Variants in RNF130 observed in about 807,000 individuals in gnomAD.
RNF130 encodes ring finger protein 130.
A neutral mutation model predicts 44.6 loss-of-function variants in RNF130; 21 were observed. The observed-to-expected ratio is 0.47, with a 90% confidence interval of 0.33 to 0.68. The LOEUF is 0.68. Among genes scored for constraint, RNF130 ranks in the 30% least tolerant of loss-of-function variants. The pLI is 0.02. For synonymous variants in RNF130, 214 were observed against 210.4 expected (o/e 1.02, Z -0.15); for missense variants, 479 against 560.6 (o/e 0.85, Z 1.47).
chr5:179,996,096 C>T (rs1763191332), intron 3 of RNF130, among the ~76,000 whole-genome samples: 1 of 152,202 alleles, frequency 6.6e-6, no homozygotes, highest in African/African-American at 2.4e-5. Flanking sequence ...TATCCATGAA[C>T]ATGGGATGTC....
At chr5:179,986,414 T>A (rs1054526327) in intron 3 of RNF130, among the ~76,000 whole-genome samples, 1 of 152,236 alleles carries the variant, frequency 6.6e-6, no homozygotes, top group African/African-American at 2.4e-5. Context: ...TGGCACTTCA[T>A]ACAGGTCCCA....
intron 3 of RNF130, among the ~76,000 whole-genome samples, chr5:179,994,194 G>T (rs1379825253): frequency 2.6e-5 from 4 of 152,104 alleles, no homozygotes; most frequent in Admixed American, 1.3e-4. Flanking sequence ...GCTTATGCGG[G>T]CTCTTTTTTG....
At chr5:179,993,179 A>G (rs1763128916) in intron 3 of RNF130, among the ~76,000 whole-genome samples, 1 of 152,238 alleles carries the variant, frequency 6.6e-6, no homozygotes, top group South Asian at 2.1e-4. Flanking sequence ...GTGACGCAAT[A>G]AACATACGTG....
chr5:180,014,065 T>C (rs755803876), intron 2 of RNF130, among the ~76,000 whole-genome samples: 3 of 152,228 alleles, frequency 2.0e-5, no homozygotes, highest in Non-Finnish European at 4.4e-5. Flanking sequence ...TTCAACATTC[T>C]GGACCAGTTT....
At chr5:179,949,944 C>A (rs1762100405) in intron 7 of RNF130, among the ~76,000 whole-genome samples, 1 of 152,176 alleles carries the variant, frequency 6.6e-6, no homozygotes, top group Non-Finnish European at 1.5e-5. Context: ...TCTGTCTCTG[C>A]CTATATGATA....
intron 3 of RNF130, among the ~76,000 whole-genome samples, chr5:180,003,071 C>T (rs1424465887): frequency 6.6e-6 from 1 of 152,048 alleles, no homozygotes; most frequent in African/African-American, 2.4e-5. Context: ...CTTGCCTCCA[C>T]AGGATGTCCA....
At chr5:180,016,561 CT>C (rs1237619009) in intron 2 of RNF130, among the ~76,000 whole-genome samples, 1 of 152,214 alleles carries the variant, frequency 6.6e-6, no homozygotes, top group African/African-American at 2.4e-5. Flanking sequence ...CCAGTACTAA[CT>C]GTCAGAGATG....
chr5:179,972,215 C>T (rs746509983), intron 5 of RNF130, among the ~76,000 whole-genome samples: 2 of 152,128 alleles, frequency 1.3e-5, no homozygotes, highest in Non-Finnish European at 2.9e-5. Flanking sequence ...TGGCTACTGA[C>T]CAACAAAGAC....
chr5:180,063,915 G>A (rs923388551), intron 1 of RNF130, among the ~76,000 whole-genome samples: 1 of 152,130 alleles, frequency 6.6e-6, no homozygotes, highest in Non-Finnish European at 1.5e-5. Context: ...CATCAAAAAA[G>A]AAGAGAAGTG....
chr5:179,968,891 G>C (rs886828728), intron 6 of RNF130, among the ~76,000 whole-genome samples: 7 of 152,092 alleles, frequency 4.6e-5, no homozygotes, highest in African/African-American at 1.7e-4. Context: ...CACAAGAAGG[G>C]ATTGTCCAGT....
At chr5:180,057,577 T>C (rs923245893) in intron 1 of RNF130, among the ~76,000 whole-genome samples, 2 of 151,596 alleles carry the variant, frequency 1.3e-5, no homozygotes, top group Admixed American at 6.6e-5. Context: ...TAATGTGTAA[T>C]GGAGCCTCCC....
intron 1 of RNF130, among the ~76,000 whole-genome samples, chr5:180,042,861 T>C (rs1237893173): frequency 4.6e-5 from 7 of 152,188 alleles, no homozygotes; most frequent in African/African-American, 7.2e-5. Flanking sequence ...GCAAACAACA[T>C]AGTTATGGAA....
At position 180,070,981 on chromosome 5, in the gene RNF130, ACC is replaced by A. The variant is rs11359101; in HGVS notation, c.247+473_247+474del. On this transcript the variant is annotated intron_variant, in intron 1 of 8. Coordinates refer to ENST00000521389, the MANE Select transcript of RNF130 (RefSeq NM_018434.6). Reference sequence around the variant, plus strand: ...GGGAAGATGTCCATTTTCCATTTACACCCCCCCCCCAATTTACCACTTAAGAA... The same window carrying A: ...GGGAAGATGTCCATTTTCCATTTACACCCCCCCCAATTTACCACTTAAGAA... 7.1e-4 allele frequency among the ~76,000 whole-genome samples: 100 copies of A among 141,306 alleles called. 1 individual carries two copies. Among genetic ancestry groups the A allele is most frequent in the South Asian group, 2.0e-3 (9 of 4,470 alleles). The allele number at this position is 141,306 out of a possible 152,430, so 92.7% of individuals were successfully genotyped here. A position where few individuals can be genotyped will look rare whatever the true frequency, so the allele number is the denominator to read the frequency against.
At position 180,071,574 on chromosome 5, in the gene RNF130, C is replaced by A; in HGVS notation, c.129G>T (p.Val43=). Residue 43 remains valine, a synonymous_variant, in exon 1 of 9, where the codon GTG becomes GTT. Transcript: ENST00000521389. ...GCGGGGCGCCGCGGCCGGGCTCCTG[C>A]ACCGTCACGTTGATGAGCGCCGTGT... ...EYYTALINVT[V]QEPGRGAPLT... is the part of the protein sequence containing the mutation. 6.7e-7 allele frequency: 1 copy of A among 1,485,004 alleles called. No homozygotes were observed. The highest frequency in any genetic ancestry group is 9.0e-7 in the Non-Finnish European group (1 of 1,113,422). The allele number at this position is 1,485,004 out of a possible 1,614,324, so 92.0% of individuals were successfully genotyped here.
rs76734684 is a variant in RNF130, at chr5:180,041,212, G to C, written c.248-565C>G. Among the ~76,000 whole-genome samples the C allele has an allele frequency of 2.0e-4, 31 of 152,238 alleles. No individual in the cohort carries two copies. The East Asian group carries it at 5.2e-3, about 26-fold the overall frequency. Reference sequence around the variant, plus strand: ...ATGTCTAAGGAAAATTTAAAAGTTTGGTTTTGGCTTATATTTGAAAGTTGA... The same window carrying C: ...ATGTCTAAGGAAAATTTAAAAGTTTCGTTTTGGCTTATATTTGAAAGTTGA... On this transcript the variant is annotated intron_variant, in intron 1 of 8. Coordinates refer to ENST00000521389, the MANE Select transcript of RNF130 (RefSeq NM_018434.6).
chr5:180,030,040 G>GA (rs34448835), intron 2 of RNF130, among the ~76,000 whole-genome samples: 106,412 of 151,632 alleles, frequency 0.7, 37,636 homozygotes, highest in South Asian at 0.79. Context: ...TAGAGATGAG[G>GA]TTTCATCATG....
Position 180,040,597 on chromosome 5 carries a change from TAGG to T in RNF130, c.295_297del (p.Pro99del). Reference sequence around the variant, plus strand: ...AGCAAGGCAATCCACTGTTTGATATTAGGAGGGACAAAGAACCGGGTTTGTGGA... The same window carrying T: ...AGCAAGGCAATCCACTGTTTGATATTAGGGACAAAGAACCGGGTTTGTGGA... On this transcript the variant is annotated inframe_deletion, in exon 2 of 9. Transcript: ENST00000521389. The T allele has an allele frequency of 6.2e-7, 1 of 1,614,162 alleles. No individual in the cohort carries two copies. Among genetic ancestry groups the T allele is most frequent in the Non-Finnish European group, 8.5e-7 (1 of 1,180,024 alleles).
chr5:179,962,017 G>A (rs1762342161), intron 8 of RNF130, among the ~76,000 whole-genome samples: 1 of 152,168 alleles, frequency 6.6e-6, no homozygotes, highest in African/African-American at 2.4e-5. Context: ...TGACTACAAG[G>A]AGCTTCAAAT....
chr5:179,936,147 G>T (rs189303028), intron 7 of RNF130, among the ~76,000 whole-genome samples: 3 of 152,192 alleles, frequency 2.0e-5, no homozygotes, highest in African/African-American at 7.2e-5. Flanking sequence ...CTTGAGACAG[G>T]GTCTCGCTCT....
Sources: allele counts gnomAD v4.1 joint callset (sites outside exome capture counted in the v4.1 genomes callset), GRCh38; gene constraint gnomAD v4.1.1; transcripts MANE v1.5; gene names NCBI Gene and HGNC (gene_info 2026-07-23, HGNC 2026-07-21).